Variants in MRTFB observed in about 807,000 individuals in gnomAD.
MRTFB encodes the protein myocardin related transcription factor B.
In MRTFB, 29 loss-of-function variants were observed where a neutral mutation model predicts 104.2. The observed-to-expected ratio is 0.28, with a 90% CI of 0.21 to 0.38. The LOEUF is 0.38. Ranked by LOEUF, MRTFB falls within the 10% of genes least tolerant of loss-of-function variation. The pLI is 1.00. For synonymous variants in MRTFB, 535 were observed against 519.5 expected, an observed-to-expected ratio of 1.03 and a Z score of -0.41; for missense variants, 1,270 against 1,341.6, an observed-to-expected ratio of 0.95 and a Z score of 0.83.
the MRTFB span, among the ~76,000 whole-genome samples, chr16:14,017,480 C>G: frequency 6.7e-6 from 1 of 150,368 alleles, no homozygotes; most frequent in Non-Finnish European, 1.5e-5. Flanking sequence ...CCAGTTGTGC[C>G]TGAATTATTG....
At chr16:14,004,208 C>T in the MRTFB span, among the ~76,000 whole-genome samples, 3 of 152,294 alleles carry the variant, frequency 2.0e-5, no homozygotes, top group Admixed American at 1.3e-4. Flanking sequence ...GAATGGCTAG[C>T]TGGACCGCAG....
At chr16:14,212,446 T>G in intron 5 of MRTFB, 37 bp downstream of exon 5, 1 of 1,580,960 alleles carries the variant, frequency 6.3e-7, no homozygotes, top group Non-Finnish European at 8.7e-7. Flanking sequence ...TACTTCTCTC[T>G]CCTTCTCTCC....
At position 14,159,132 on chromosome 16, in the gene MRTFB, G is replaced by T. The variant is rs117982081; in HGVS notation, c.154+18372G>T. On this transcript the variant is annotated intron_variant, in intron 3 of 16. Coordinates refer to ENST00000571589, the MANE Select transcript of MRTFB (RefSeq NM_001308142.2). Reference sequence around the variant, plus strand: ...GGGCAACAGTGTGAGACCTCACTAGGTGTGTTCATGTGGATATTCATACAA... The same window carrying T: ...GGGCAACAGTGTGAGACCTCACTAGTTGTGTTCATGTGGATATTCATACAA... 6.1e-4 allele frequency among the ~76,000 whole-genome samples: 93 copies of T among 152,222 alleles called. No homozygotes were observed. In the East Asian group the frequency reaches 0.012, roughly 19 times the overall value.
rs1265010756 is a variant in MRTFB, at chr16:14,087,141, A to T, written c.-64+7787A>T. Among the ~76,000 whole-genome samples, 3 of 152,216 alleles carry T rather than the reference A, an allele frequency of 2.0e-5. No homozygotes were observed. The East Asian group carries it at 5.8e-4, about 29-fold the overall frequency. On this transcript the variant is annotated intron_variant, in intron 2 of 16. Transcript: ENST00000571589. ...AGAGAATAGATCCCTAGCAAAGCCA[A>T]CACTCGGGGCTTACTTCTGTAGTAT... is the stretch of plus-strand genomic sequence containing the variant.
chr16:14,003,762 C>G, the MRTFB span, among the ~76,000 whole-genome samples: 22 of 151,626 alleles, frequency 1.5e-4, no homozygotes, highest in Non-Finnish European at 3.1e-4. Flanking sequence ...AGGGGGGAAA[C>G]TCAAAAGTAT....
the MRTFB span, among the ~76,000 whole-genome samples, chr16:14,010,500 C>T: frequency 7.1e-3 from 1,086 of 152,184 alleles, 15 homozygotes; most frequent in African/African-American, 0.025. Flanking sequence ...GGGGATTTGC[C>T]ATGTTGCCCA....
At chr16:14,200,421 C>T (rs959638549) in intron 3 of MRTFB, 5 of 1,608,492 alleles carry the variant, frequency 3.1e-6, no homozygotes, top group Non-Finnish European at 3.4e-6. Flanking sequence ...GAAGAGGAGA[C>T]GACTAATAGA....
rs2041549287 is a variant in MRTFB at position 14,218,813 on chromosome 16, T to G, written c.515-7T>G. On this transcript the variant is annotated splice_region_variant and splice_polypyrimidine_tract_variant and intron_variant, in intron 7 of 16. Coordinates refer to ENST00000571589, the MANE Select transcript of MRTFB (RefSeq NM_001308142.2). ...TAAGTCAAGTCAAAAATCATTTCTT[T>G]CTTTAGGCGTTGGGAAGGAGGACTA... 6.3e-7 allele frequency: 1 copy of G among 1,575,354 alleles called. No individual in the cohort carries two copies. The highest frequency in any genetic ancestry group is 1.4e-5 in the African/African-American group (1 of 73,788).
the MRTFB span, among the ~76,000 whole-genome samples, chr16:14,002,812 A>G: frequency 6.6e-6 from 1 of 152,224 alleles, no homozygotes; most frequent in African/African-American, 2.4e-5. Context: ...AAGGCTGGAA[A>G]GAATTTCCTC....
chr16:14,161,000 A>T (rs2142898408), intron 3 of MRTFB, among the ~76,000 whole-genome samples: 4 of 151,740 alleles, frequency 2.6e-5, no homozygotes, highest in African/African-American at 9.7e-5. Context: ...ATATTTAGGA[A>T]CCAAGATCTG....
chr16:14,078,425 CT>C (rs915954869), intron 1 of MRTFB, among the ~76,000 whole-genome samples: 1 of 152,050 alleles, frequency 6.6e-6, no homozygotes, highest in Non-Finnish European at 1.5e-5. Flanking sequence ...ATGCCCACCC[CT>C]CTCCCCCTTT....
rs1232078270 is a variant in MRTFB at position 14,246,817 on chromosome 16, C to T, written c.1557C>T (p.Asp519=). ...AACAGTCCAGTCTCAGTACTGATGA[C>T]ACAAACATGGCAGACACTTTCACCG... ...PSEQSSLSTD[D]TNMADTFTEI... Residue 519 remains aspartate (D), a synonymous_variant, in exon 12 of 17, where the codon GAC becomes GAT. Transcript: ENST00000571589. 1.2e-6 allele frequency: 2 copies of T among 1,613,192 alleles called. No homozygotes were observed. Among genetic ancestry groups the T allele is most frequent in the Non-Finnish European group, 8.5e-7 (1 of 1,180,044 alleles).
intron 15 of MRTFB, among the ~76,000 whole-genome samples, chr16:14,253,854 C>T (rs530719195): frequency 6.6e-5 from 10 of 152,304 alleles, no homozygotes; most frequent in African/African-American, 9.6e-5. Flanking sequence ...ATTTCAAAGA[C>T]GGGTTCAAAT....
chr16:14,028,446 A>G, the MRTFB span, among the ~76,000 whole-genome samples: 1 of 152,178 alleles, frequency 6.6e-6, no homozygotes, highest in Non-Finnish European at 1.5e-5. Flanking sequence ...GAAAAGCAAC[A>G]GGCAGGTGGA....
At chr16:14,113,240 C>T (rs1321251420) in intron 2 of MRTFB, among the ~76,000 whole-genome samples, 1 of 152,154 alleles carries the variant, frequency 6.6e-6, no homozygotes, top group Non-Finnish European at 1.5e-5. Flanking sequence ...GATGGGGTTT[C>T]ACCAGGATGG....
intron 2 of MRTFB, among the ~76,000 whole-genome samples, chr16:14,103,920 C>T (rs2035837063): frequency 6.6e-6 from 1 of 152,236 alleles, no homozygotes; most frequent in African/African-American, 2.4e-5. Flanking sequence ...GAATTTGTAA[C>T]TTCCCTGTGG....
the MRTFB span, among the ~76,000 whole-genome samples, chr16:14,055,355 A>C: frequency 6.6e-6 from 1 of 152,010 alleles, no homozygotes; most frequent in Admixed American, 6.5e-5. Flanking sequence ...CCGTCTCAAA[A>C]GAAGAAGAAG....
intron 3 of MRTFB, among the ~76,000 whole-genome samples, chr16:14,208,690 G>A (rs116429380): frequency 1.3e-3 from 197 of 152,236 alleles, no homozygotes; most frequent in African/African-American, 4.2e-3. Flanking sequence ...GTTAAAGTAC[G>A]CAGGTCTTTG....
At chr16:14,197,443 C>A (rs1339100240) in intron 3 of MRTFB, among the ~76,000 whole-genome samples, 2 of 152,136 alleles carry the variant, frequency 1.3e-5, no homozygotes, top group African/African-American at 4.8e-5. Context: ...CCATCATCAG[C>A]AATTCAAAAA....
Sources: allele counts gnomAD v4.1 joint callset (sites outside exome capture counted in the v4.1 genomes callset), GRCh38; gene constraint gnomAD v4.1.1; transcripts MANE v1.5; gene names NCBI Gene and HGNC (gene_info 2026-07-23, HGNC 2026-07-21).